The following LNX2 variants were observed in gnomAD, a reference collection of about 807,000 sequenced individuals.
LNX2 encodes the protein ligand of Numb protein X 2.
LNX2 carries 35 observed loss-of-function variants against 66.2 expected under a neutral mutation model. The ratio of observed to expected loss-of-function variants is 0.53; its 90% CI spans 0.40 to 0.70. The LOEUF is 0.70. LNX2 is among the 30% of genes least tolerant of loss of function. The probability of loss-of-function intolerance (pLI) is 0.00; values close to 1 mark genes in which losing one functional copy is unlikely to be tolerated. For synonymous variants in LNX2, 337 were observed against 315.6 expected, an observed-to-expected ratio of 1.07 and a Z score of -0.72; for missense variants, 791 against 850.8, an observed-to-expected ratio of 0.93 and a Z score of 0.87.
In LNX2 at chr13:27,556,335, C is replaced by T. The variant is rs749851547; in HGVS notation, c.1447G>A (p.Val483Ile). ...KEPHESLGMT[V>I]AGGRGSKSGE... ...CTCTTACTTCCCCTGCCCCCAGCAA[C>T]GGTCATGCCAAGGGATTCATGTGGT... Residue 483 changes from valine to isoleucine, a missense_variant, in exon 7 of 10, where the codon GTT becomes ATT. Transcript: ENST00000316334. 16 of 1,613,836 alleles carry T rather than the reference C, an allele frequency of 9.9e-6. No homozygotes were observed. The highest frequency in any genetic ancestry group is 4.5e-5 in the East Asian group (2 of 44,864).
intron 2 of LNX2, among the ~76,000 whole-genome samples, chr13:27,577,158 C>T (rs1955348766): frequency 6.6e-6 from 1 of 152,156 alleles, no homozygotes; most frequent in Non-Finnish European, 1.5e-5. Flanking sequence ...TTACTGGCCA[C>T]TTGAGTATCT....
At chr13:27,606,709 T>C (rs1160267944) in intron 1 of LNX2, among the ~76,000 whole-genome samples, 2 of 152,192 alleles carry the variant, frequency 1.3e-5, no homozygotes, top group Middle Eastern at 3.2e-3. Flanking sequence ...GCGAACCAGG[T>C]AGCTGGGGTG....
chr13:27,596,446 C>T (rs112610421), intron 1 of LNX2, among the ~76,000 whole-genome samples: 6,695 of 152,124 alleles, frequency 0.044, 207 homozygotes, highest in Non-Finnish European at 0.067. Context: ...GCCAAATCAC[C>T]GTTATTTCTA....
intron 4 of LNX2, among the ~76,000 whole-genome samples, chr13:27,565,363 C>A (rs1245547437): frequency 6.6e-6 from 1 of 152,162 alleles, no homozygotes; most frequent in Non-Finnish European, 1.5e-5. Flanking sequence ...TACATTTCAG[C>A]TAAAAAGCCC....
chr13:27,582,856 C>T (rs1034875989), intron 1 of LNX2, among the ~76,000 whole-genome samples: 2 of 150,982 alleles, frequency 1.3e-5, no homozygotes, highest in South Asian at 2.1e-4. Context: ...CAAACCTGCA[C>T]GTTCTACACA....
At chr13:27,586,338 C>T (rs1255658678) in intron 1 of LNX2, among the ~76,000 whole-genome samples, 1 of 152,146 alleles carries the variant, frequency 6.6e-6, no homozygotes, top group Non-Finnish European at 1.5e-5. Flanking sequence ...TCCAGGAAAG[C>T]TTTAGAGTAT....
In LNX2 at chr13:27,548,447, A is replaced by G; in HGVS notation, c.1961T>C (p.Val654Ala). 1 of 1,614,090 alleles carries G rather than the reference A, an allele frequency of 6.2e-7. No homozygotes were observed. Among genetic ancestry groups the G allele is most frequent in the East Asian group, 2.2e-5 (1 of 44,880 alleles). ...RLKCGDMIVA[V>A]NGLSTVGMSH... ...CATGCCCACGGTTGACAGCCCATTT[A>G]CGGCCACAATCATGTCACCACACCT... Residue 654 changes from valine to alanine, a missense_variant, in exon 10 of 10, where the codon GTA becomes GCA. Val to Ala is a moderately conservative substitution (Grantham distance 64, BLOSUM62 0). Transcript: ENST00000316334.
intron 4 of LNX2, among the ~76,000 whole-genome samples, chr13:27,567,124 T>G (rs1379223561): frequency 1.3e-5 from 2 of 152,118 alleles, no homozygotes; most frequent in African/African-American, 4.8e-5. Flanking sequence ...ATTAGGGAGT[T>G]GATAGGAGAT....
intron 2 of LNX2, among the ~76,000 whole-genome samples, chr13:27,571,132 T>C (rs1342174573): frequency 5.9e-5 from 9 of 152,320 alleles, no homozygotes; most frequent in Non-Finnish European, 5.9e-5. Flanking sequence ...GATTGAACCT[T>C]TGGGAAAACC....
chr13:27,590,191 T>C (rs1955532440), intron 1 of LNX2, among the ~76,000 whole-genome samples: 1 of 152,128 alleles, frequency 6.6e-6, no homozygotes, highest in South Asian at 2.1e-4. Context: ...AAGTGCTATT[T>C]AGGAGATGCT....
chr13:27,611,648 G>A (rs1340137534), intron 1 of LNX2, among the ~76,000 whole-genome samples: 1 of 152,116 alleles, frequency 6.6e-6, no homozygotes, highest in Non-Finnish European at 1.5e-5. Flanking sequence ...CATAATTTTG[G>A]TAGAATTTAT....
intron 1 of LNX2, among the ~76,000 whole-genome samples, chr13:27,598,102 T>C (rs1955619037): frequency 6.6e-6 from 1 of 151,958 alleles, no homozygotes; most frequent in Admixed American, 6.6e-5. Context: ...ACTGGGGCAC[T>C]GTGCTAAACA....
At chr13:27,565,298 TAAATAA>T (rs1305616176) in intron 4 of LNX2, among the ~76,000 whole-genome samples, 1 of 152,168 alleles carries the variant, frequency 6.6e-6, no homozygotes, top group Admixed American at 6.5e-5. Context: ...CAAAGAAATA[TAAATAA>T]AAACATTTGT....
chr13:27,583,629 G>A (rs1163322719), intron 1 of LNX2, among the ~76,000 whole-genome samples: 1 of 151,966 alleles, frequency 6.6e-6, no homozygotes, highest in African/African-American at 2.4e-5. Flanking sequence ...CTCATCTAAC[G>A]GTTTCCATCT....
At position 27,553,270 on chromosome 13, in the gene LNX2, G is replaced by A. The variant is rs1156752511; in HGVS notation, c.1716C>T (p.Phe572=). The change falls in exon 8 of 10, where the codon TTC becomes TTT. Residue 572 remains phenylalanine (F), a synonymous_variant. Transcript: ENST00000316334. The part of the protein sequence containing the change: ...TQNAEEQPST[F]SENEYDASWS... ...AACTGGCATCATACTCATTTTCGCTGAAAGTACTCGGCTGCTCCTCCGCGT... is the reference window on the plus strand; with the variant it reads ...AACTGGCATCATACTCATTTTCGCTAAAAGTACTCGGCTGCTCCTCCGCGT... 6.2e-7 allele frequency: 1 copy of A among 1,614,178 alleles called. No homozygotes were observed. Among genetic ancestry groups the A allele is most frequent in the East Asian group, 2.2e-5 (1 of 44,878 alleles).
In LNX2 at chr13:27,581,770, G is replaced by T; in HGVS notation, c.-67C>A. ...CACGCTTGGTTTCCTTTAACAGACA[G>T]TGATGTATCTGACTAAAGTCAAGGT... On this transcript the variant is annotated 5_prime_UTR_variant, in exon 2 of 10. The change creates a new upstream start codon in the 5' untranslated region. Coordinates refer to ENST00000316334, the MANE Select transcript of LNX2 (RefSeq NM_153371.4). 1 of 1,354,272 alleles carries T rather than the reference G, an allele frequency of 7.4e-7. No homozygotes were observed. The highest frequency in any genetic ancestry group is 1.0e-6 in the Non-Finnish European group (1 of 994,624). 83.9% of individuals were successfully genotyped at this position (1,354,272 alleles called of 1,614,324 possible).
intron 1 of LNX2, among the ~76,000 whole-genome samples, chr13:27,596,528 C>A (rs1261266417): frequency 1.3e-5 from 2 of 152,138 alleles, no homozygotes; most frequent in Non-Finnish European, 2.9e-5. Context: ...CATACACATA[C>A]CGCCAGCCCT....
rs1441664797 is a variant in LNX2 at position 27,548,314 on chromosome 13, T to C, written c.*21A>G. On this transcript the variant is annotated 3_prime_UTR_variant, in exon 10 of 10. Transcript: ENST00000316334. ...AAATCTAAAAAAGGAAGATGCAAGA[T>C]TTGAAACCAATTTCCAAAATCTATA... is the stretch of plus-strand genomic sequence containing the variant. 1 of 1,596,532 alleles carries C rather than the reference T, an allele frequency of 6.3e-7. No homozygotes were observed. Among genetic ancestry groups the C allele is most frequent in the South Asian group, 1.1e-5 (1 of 88,070 alleles).
rs543862600 is a variant in LNX2 at position 27,546,770 on chromosome 13, C to G, written c.*1565G>C. 2 of 152,060 alleles carry G rather than the reference C, an allele frequency of 1.3e-5. No homozygotes were observed. The highest frequency in any genetic ancestry group is 4.2e-4 in the South Asian group (2 of 4,812). 9.4% of individuals were successfully genotyped at this position (152,060 alleles called of 1,614,324 possible). A position where few individuals can be genotyped will look rare whatever the true frequency, so the allele number is the denominator to read the frequency against. ...CTTGTAAATTTGCTCAGATTCTGAA[C>G]TAGGTTTCTAAATGAAATTTTTTTC... is the stretch of plus-strand genomic sequence containing the variant. On this transcript the variant is annotated 3_prime_UTR_variant, in exon 10 of 10. Transcript: ENST00000316334.
Sources: gnomAD v4.1 joint callset for allele counts (sites outside exome capture counted in the v4.1 genomes callset) on GRCh38, gnomAD v4.1.1 for gene constraint, MANE v1.5 for transcripts, NCBI Gene and HGNC (gene_info 2026-07-23, HGNC 2026-07-21) for gene names.